Variants in PHIP observed in about 807,000 individuals in gnomAD.
PHIP encodes the protein PHIP subunit of CUL4-Ring ligase complex.
A neutral mutation model predicts 236.8 loss-of-function variants in PHIP; 54 were observed. That is an observed-to-expected ratio of 0.23 (90% CI 0.18 to 0.29). The LOEUF (loss-of-function observed/expected upper bound fraction) is 0.29. PHIP is among the 10% of genes least tolerant of loss of function. The pLI, the probability that PHIP is intolerant of heterozygous loss-of-function variation, is 1.00. For missense variants in PHIP, 1,370 were observed against 2,190.8 expected (o/e 0.63, Z 7.48); for synonymous variants, 756 against 718.9 (o/e 1.05, Z -0.83).
chr6:79,000,542 G>T (rs1372930332), intron 17 of PHIP, among the ~76,000 whole-genome samples: 3 of 151,944 alleles, frequency 2.0e-5, no homozygotes, highest in Non-Finnish European at 4.4e-5. Context: ...TAATTAATTA[G>T]CACTGATACT....
intron 7 of PHIP, among the ~76,000 whole-genome samples, chr6:79,035,010 G>A (rs997491403): frequency 8.5e-5 from 13 of 152,076 alleles, no homozygotes; most frequent in African/African-American, 2.9e-4. Flanking sequence ...TGGCCAACTG[G>A]AGTCTGCACA....
chr6:79,064,315 C>G (rs952291011), intron 4 of PHIP, among the ~76,000 whole-genome samples: 1 of 152,144 alleles, frequency 6.6e-6, no homozygotes, highest in Non-Finnish European at 1.5e-5. Context: ...AAACAAAAAT[C>G]CTGCCTAACT....
intron 23 of PHIP, among the ~76,000 whole-genome samples, chr6:78,981,160 G>C (rs1187809700): frequency 1.3e-5 from 2 of 151,944 alleles, no homozygotes; most frequent in African/African-American, 4.8e-5. Context: ...CTAGCTCCAT[G>C]ATTTGAGGTT....
intron 24 of PHIP, among the ~76,000 whole-genome samples, chr6:78,977,552 G>C (rs1278319663): frequency 1.3e-5 from 2 of 151,040 alleles, no homozygotes; most frequent in Admixed American, 1.3e-4. Context: ...CAGTTGTCTG[G>C]AACTTTAAAT....
At chr6:79,036,020 T>C (rs1250239682) in intron 7 of PHIP, among the ~76,000 whole-genome samples, 1 of 152,118 alleles carries the variant, frequency 6.6e-6, no homozygotes, top group African/African-American at 2.4e-5. Context: ...CCAAGAAACA[T>C]TACGGTAAGG....
In PHIP at chr6:79,025,936, C is replaced by CA; in HGVS notation, c.822+6dup. The CA allele has an allele frequency of 6.4e-7, 1 of 1,567,868 alleles. No individual in the cohort carries two copies. Among genetic ancestry groups the CA allele is most frequent in the East Asian group, 2.3e-5 (1 of 44,184 alleles). ...CAACAACAATGTATAGGGATTAAGA[C>CA]AATTACCTGTAGTGATGTAATAGAT... On this transcript the variant is annotated splice_region_variant and intron_variant, in intron 8 of 39. Coordinates refer to ENST00000275034, the MANE Select transcript of PHIP (RefSeq NM_017934.7).
rs140571488 is a variant in PHIP at position 79,029,635 on chromosome 6, T to G, written c.601-3471A>C. ...ACCTCCACCTCCCAGGTTCAAGTGG[T>G]TCTCATGCCTCAGCCTCCTGAGTAG... is the stretch of plus-strand genomic sequence containing the variant. On this transcript the variant is annotated intron_variant, in intron 7 of 39. Coordinates refer to ENST00000275034, the MANE Select transcript of PHIP (RefSeq NM_017934.7). 8.2e-4 allele frequency among the ~76,000 whole-genome samples: 124 copies of G among 152,144 alleles called. 1 individual carries two copies. The highest frequency in any genetic ancestry group is 2.8e-3 in the African/African-American group (118 of 41,506).
chr6:79,017,476 T>C lies in PHIP; in HGVS notation c.1095+7A>G, dbSNP rs778174228. 6.3e-7 allele frequency: 1 copy of C among 1,597,618 alleles called. No individual in the cohort carries two copies. The highest frequency in any genetic ancestry group is 8.6e-7 in the Non-Finnish European group (1 of 1,165,578). On this transcript the variant is annotated splice_region_variant and intron_variant, in intron 11 of 39. Coordinates refer to ENST00000275034, the MANE Select transcript of PHIP (RefSeq NM_017934.7). ...ATACTCATCTAATTCTTTTCACCAA[T>C]ACTTACAGTATGAAACTCCAATTCT... is the stretch of plus-strand genomic sequence containing the variant.
intron 35 of PHIP, among the ~76,000 whole-genome samples, chr6:78,951,572 A>T (rs567411565): frequency 2.0e-5 from 3 of 152,326 alleles, no homozygotes; most frequent in African/African-American, 7.2e-5. Context: ...GTAATTAACA[A>T]AACAACAAAC....
chr6:78,983,247 C>T (rs1768657883), intron 22 of PHIP, 130 bp from the exon 23 acceptor site: 1 of 462,110 alleles, frequency 2.2e-6, no homozygotes. Context: ...AAAAAACTTC[C>T]CTAATTTTCA....
intron 23 of PHIP, among the ~76,000 whole-genome samples, chr6:78,980,603 G>A (rs1036678290): frequency 3.6e-4 from 54 of 151,938 alleles, no homozygotes; most frequent in African/African-American, 1.2e-3. Flanking sequence ...TTTTGTAGGT[G>A]TTGGATGTGA....
rs1329827527 is a variant in PHIP, at chr6:78,940,868, G to A, written c.5291C>T (p.Pro1764Leu). ...EEFEELKGSEPHMRTRNQGRR... is the reference protein window; with the variant it reads ...EEFEELKGSELHMRTRNQGRR... ...ACCTTGATTTCTAGTTCTCATGTGG[G>A]GTTCAGAGCCTTTGAGTTCTTCAAA... is the stretch of plus-strand genomic sequence containing the variant. Residue 1764 changes from proline (P) to leucine (L), a missense_variant, in exon 40 of 40, where the codon CCC becomes CTC. Coordinates refer to ENST00000275034, the MANE Select transcript of PHIP (RefSeq NM_017934.7). 11 of 1,613,616 alleles carry A rather than the reference G, an allele frequency of 6.8e-6. No homozygotes were observed. In the African/African-American group the frequency reaches 1.3e-4, roughly 20 times the overall value.
chr6:79,020,245 A>G (rs1771047676), intron 9 of PHIP, among the ~76,000 whole-genome samples: 1 of 152,160 alleles, frequency 6.6e-6, no homozygotes, highest in Non-Finnish European at 1.5e-5. Flanking sequence ...ATATATTCTG[A>G]GCAAAGAGAA....
intron 6 of PHIP, among the ~76,000 whole-genome samples, chr6:79,057,416 A>T (rs1284980711): frequency 6.6e-6 from 1 of 152,140 alleles, no homozygotes; most frequent in Non-Finnish European, 1.5e-5. Flanking sequence ...GTAATGCAAA[A>T]GTATAACATT....
chr6:79,014,514 TGCTCG>T (rs1275130379), intron 15 of PHIP, among the ~76,000 whole-genome samples: 1 of 151,756 alleles, frequency 6.6e-6, no homozygotes, highest in Non-Finnish European at 1.5e-5. Flanking sequence ...ATAGAAACAC[TGCTCG>T]GTAAGTTGTA....
In PHIP at chr6:79,074,871, C is replaced by T. The variant is rs1264055788; in HGVS notation, c.189+2577G>A. Among the ~76,000 whole-genome samples, 4 of 152,086 alleles carry T rather than the reference C, an allele frequency of 2.6e-5. No individual in the cohort carries two copies. The South Asian group carries it at 8.3e-4, about 31-fold the overall frequency. ...GTGACTATTTTTAAATTCACATCTACAAATATTACACCCCATTTTAAGCAG... is the reference window on the plus strand; with the variant it reads ...GTGACTATTTTTAAATTCACATCTATAAATATTACACCCCATTTTAAGCAG... On this transcript the variant is annotated intron_variant, in intron 4 of 39. Coordinates refer to ENST00000275034, the MANE Select transcript of PHIP (RefSeq NM_017934.7).
rs113947891 is a variant in PHIP, at chr6:79,018,588, T to C, written c.994+501A>G. On this transcript the variant is annotated intron_variant, in intron 10 of 39. Transcript: ENST00000275034. ...ATACCCTAACATCCATTCAAAATGC[T>C]GCTGCATAAACACAAATCTGAATTG... is the stretch of plus-strand genomic sequence containing the variant. 3.5e-3 allele frequency among the ~76,000 whole-genome samples: 532 copies of C among 152,108 alleles called. 3 individuals carry two copies. The highest frequency in any genetic ancestry group is 0.012 in the African/African-American group (500 of 41,552).
In PHIP at chr6:78,946,746, G is replaced by C; in HGVS notation, c.4335C>G (p.Asn1445Lys). 6.3e-7 allele frequency: 1 copy of C among 1,588,914 alleles called. No homozygotes were observed. Among genetic ancestry groups the C allele is most frequent in the African/African-American group, 1.4e-5 (1 of 72,920 alleles). ...NTITKRRKKR[N>K]RSSSVSSSAA... ...CACTACTGGAAACAGAGCTGCTTCT[G>C]TTTCTTTTCTTCCTCCTTTTGGTTA... The change falls in exon 37 of 40, where the codon AAC becomes AAG. Residue 1445 changes from asparagine (N) to lysine (K), a missense_variant. By Grantham distance (94) the Asn-to-Lys change is moderately conservative. Around this residue, in one of 14 missense-constraint regions of PHIP, gnomAD observed 125 missense variants for 235.1 expected, o/e 0.53. Transcript: ENST00000275034.
intron 24 of PHIP, 58 bp from the exon 25 acceptor site, chr6:78,970,946 A>G: frequency 2.6e-6 from 3 of 1,148,178 alleles, no homozygotes; most frequent in African/African-American, 1.6e-5. Context: ...TCCAATATAC[A>G]GGGTATCAGC....
Sources: gnomAD v4.1 joint callset for allele counts (sites outside exome capture counted in the v4.1 genomes callset) on GRCh38, gnomAD v4.1.1 for gene constraint, gnomAD v4.1.1 regional missense constraint, MANE v1.5 for transcripts, NCBI Gene and HGNC (gene_info 2026-07-23, HGNC 2026-07-21) for gene names.